Variants in CDH12 observed in about 807,000 individuals in gnomAD.
CDH12 encodes cadherin 12.
A neutral mutation model predicts 74.1 loss-of-function variants in CDH12; 41 were observed. The ratio of observed to expected loss-of-function variants is 0.55; its 90% CI spans 0.43 to 0.72. CDH12 has a LOEUF of 0.72. Among genes scored for constraint, CDH12 ranks in the 30% least tolerant of loss-of-function variants. The pLI is 0.00. For synonymous variants in CDH12, 399 were observed against 355.0 expected, an observed-to-expected ratio of 1.12 and a Z score of -1.39; for missense variants, 945 against 977.2, an observed-to-expected ratio of 0.97 and a Z score of 0.44.
At chr5:22,230,480 T>C (rs1178159555) in intron 3 of CDH12, among the ~76,000 whole-genome samples, 2 of 150,936 alleles carry the variant, frequency 1.3e-5, no homozygotes, top group African/African-American at 4.9e-5. Flanking sequence ...ATAATTTTTT[T>C]TTTTTTTTTT....
At chr5:22,827,836 T>C (rs980625860) in intron 1 of CDH12, among the ~76,000 whole-genome samples, 2 of 152,232 alleles carry the variant, frequency 1.3e-5, no homozygotes, top group African/African-American at 4.8e-5. Context: ...GGATGGAAAC[T>C]GCAATGAGTG....
intron 3 of CDH12, among the ~76,000 whole-genome samples, chr5:22,224,887 A>G: frequency 6.6e-6 from 1 of 151,862 alleles, no homozygotes; most frequent in East Asian, 1.9e-4. Flanking sequence ...TATTAAAAAA[A>G]GTATAAAATA....
At chr5:22,542,011 G>A (rs1365032457) in intron 1 of CDH12, among the ~76,000 whole-genome samples, 1 of 152,120 alleles carries the variant, frequency 6.6e-6, no homozygotes, top group Non-Finnish European at 1.5e-5. Flanking sequence ...AATATTTATT[G>A]CTCTTATGTT....
chr5:22,211,945 C>A (rs984067919), intron 4 of CDH12, among the ~76,000 whole-genome samples: 2 of 151,958 alleles, frequency 1.3e-5, no homozygotes, highest in African/African-American at 2.4e-5. Flanking sequence ...CTTCTAGTTT[C>A]ATTTTTCTTA....
At chr5:22,466,280 G>C (rs559363332) in intron 2 of CDH12, among the ~76,000 whole-genome samples, 1 of 152,248 alleles carries the variant, frequency 6.6e-6, no homozygotes, top group African/African-American at 2.4e-5. Flanking sequence ...GAGTTGTTTT[G>C]TTTGTTTGTT....
chr5:22,255,645 G>A (rs1753284367), intron 3 of CDH12, among the ~76,000 whole-genome samples: 1 of 151,620 alleles, frequency 6.6e-6, no homozygotes, highest in South Asian at 2.1e-4. Flanking sequence ...ATTTTTAAAA[G>A]TTAAATTCAT....
chr5:22,616,401 T>C (rs1011534710), intron 1 of CDH12, among the ~76,000 whole-genome samples: 3 of 152,076 alleles, frequency 2.0e-5, no homozygotes, highest in South Asian at 2.1e-4. Context: ...ATGTGTGAAT[T>C]TGAGTATTTG....
At chr5:21,792,748 T>G (rs1176090520) in intron 10 of CDH12, among the ~76,000 whole-genome samples, 1 of 151,682 alleles carries the variant, frequency 6.6e-6, no homozygotes, top group African/African-American at 2.4e-5. Context: ...TAACTTTATC[T>G]TTGACAAGAA....
intron 1 of CDH12, among the ~76,000 whole-genome samples, chr5:22,815,300 A>G (rs1749333098): frequency 6.6e-6 from 1 of 152,188 alleles, no homozygotes; most frequent in Non-Finnish European, 1.5e-5. Context: ...ATGCTCTCCT[A>G]TACTCGTATC....
intron 4 of CDH12, among the ~76,000 whole-genome samples, chr5:22,122,166 G>A (rs962678748): frequency 6.6e-5 from 10 of 152,138 alleles, no homozygotes; most frequent in African/African-American, 2.2e-4. Flanking sequence ...ACTTTTGGAG[G>A]CCTAGGTGGG....
At chr5:21,854,913 T>C in intron 6 of CDH12, 123 bp from the exon 7 acceptor site, 1 of 698,052 alleles carries the variant, frequency 1.4e-6, no homozygotes, top group Non-Finnish European at 2.3e-6. Context: ...CATGAGTACA[T>C]GATGTCACTG....
chr5:22,050,722 T>C (rs1740299153), intron 5 of CDH12, among the ~76,000 whole-genome samples: 1 of 152,090 alleles, frequency 6.6e-6, no homozygotes, highest in Non-Finnish European at 1.5e-5. Context: ...TACAAAAAAT[T>C]GAGGAAATTA....
At chr5:22,204,497 G>A (rs1751112001) in intron 4 of CDH12, among the ~76,000 whole-genome samples, 1 of 152,204 alleles carries the variant, frequency 6.6e-6, no homozygotes, top group Admixed American at 6.5e-5. Context: ...CTGATAACAT[G>A]TATTTCTATT....
chr5:22,615,634 C>T (rs888822156), intron 1 of CDH12, among the ~76,000 whole-genome samples: 1 of 152,012 alleles, frequency 6.6e-6, no homozygotes, highest in Non-Finnish European at 1.5e-5. Context: ...CAAAATAAAT[C>T]AAAATAAGCT....
intron 5 of CDH12, among the ~76,000 whole-genome samples, chr5:22,021,634 A>G (rs532999544): frequency 1.3e-5 from 2 of 152,322 alleles, no homozygotes; most frequent in African/African-American, 4.8e-5. Context: ...TACTTGATAA[A>G]ATATGTGAGA....
chr5:22,407,954 C>A (rs1238678651), intron 2 of CDH12, among the ~76,000 whole-genome samples: 1 of 152,146 alleles, frequency 6.6e-6, no homozygotes, highest in African/African-American at 2.4e-5. Context: ...AGCCTATCGC[C>A]TTCTCTATCT....
chr5:22,546,063 G>A (rs533539815), intron 1 of CDH12, among the ~76,000 whole-genome samples: 1 of 152,108 alleles, frequency 6.6e-6, no homozygotes, highest in East Asian at 1.9e-4. Flanking sequence ...TCCTGCCTCA[G>A]CCTCCCAAGT....
chr5:22,486,630 T>A (rs1377918685), intron 2 of CDH12, among the ~76,000 whole-genome samples: 1 of 151,918 alleles, frequency 6.6e-6, no homozygotes, highest in Non-Finnish European at 1.5e-5. Context: ...TTTTTTGTAT[T>A]TTTGGTAGAG....
At chr5:22,113,341 A>G (rs910287870) in intron 4 of CDH12, among the ~76,000 whole-genome samples, 1 of 152,128 alleles carries the variant, frequency 6.6e-6, no homozygotes, top group African/African-American at 2.4e-5. Context: ...AGATTAACTA[A>G]AAGTCTAGCA....
Sources: allele counts gnomAD v4.1 joint callset (sites outside exome capture counted in the v4.1 genomes callset), GRCh38; gene constraint gnomAD v4.1.1; transcripts MANE v1.5; gene names NCBI Gene and HGNC (gene_info 2026-07-23, HGNC 2026-07-21).